DNASE1L1: variants seen among roughly 807,000 people sequenced by gnomAD.
DNASE1L1 encodes the protein deoxyribonuclease 1 like 1, also known as deoxyribonuclease-1-like 1.
DNASE1L1 carries 8 observed loss-of-function variants against 18.6 expected under a neutral mutation model. The ratio of observed to expected loss-of-function variants is 0.43; its 90% CI spans 0.25 to 0.78. DNASE1L1 has a LOEUF of 0.78. Ranked by LOEUF, DNASE1L1 falls within the 30% of genes least tolerant of loss-of-function variation. The pLI is 0.23. For synonymous variants in DNASE1L1, 114 were observed against 114.2 expected, an observed-to-expected ratio of 1.00 and a Z score of 0.01; for missense variants, 214 against 258.2, an observed-to-expected ratio of 0.83 and a Z score of 1.17.
chrX:154,410,976 A>G (rs782075431), upstream of DNASE1L1, among the ~76,000 whole-genome samples: 4 of 112,534 alleles, frequency 3.6e-5, 1 homozygote, highest in South Asian at 1.4e-3. Context: ...TTTCAGAACT[A>G]GAGGTAGTAG....
chrX:154,402,269 C>A lies in DNASE1L1; in HGVS notation c.*438G>T. The A allele has an allele frequency of 7.3e-6, 1 of 136,319 alleles. No individual in the cohort carries two copies. The highest frequency in any genetic ancestry group is 1.5e-5 in the Non-Finnish European group (1 of 67,592). 11.2% of individuals were successfully genotyped at this position (136,319 alleles called of 1,213,427 possible). On this transcript the variant is annotated 3_prime_UTR_variant, in exon 8 of 8. Transcript: ENST00000369807. ...AGCAGATTAACCACCCTCCTTGTAG[C>A]TATTGGGGCTTAATGGTTTCCTGGT...
At position 154,403,350 on chromosome X, in the gene DNASE1L1, G is replaced by A. The variant is rs1557187512; in HGVS notation, c.444C>T (p.His148=). 2 of 1,211,487 alleles carry A rather than the reference G, an allele frequency of 1.7e-6. No homozygotes were observed. Among genetic ancestry groups the A allele is most frequent in the Non-Finnish European group, 1.1e-6 (1 of 895,465 alleles). The change falls in exon 6 of 8, where the codon CAC becomes CAT. Residue 148 remains histidine, a synonymous_variant. Coordinates refer to ENST00000369807, the MANE Select transcript of DNASE1L1 (RefSeq NM_001303620.2). The part of the protein sequence containing the change: ...VLPSLVLVPL[H]TTPKAVEKEL... ...CCTTCTCTACGGCCTTAGGAGTGGT[G>A]TGCAGCGGGACCAACACCAGGCTGG... is the stretch of plus-strand genomic sequence containing the variant.
At chrX:154,405,171 C>T in intron 2 of DNASE1L1, 88 bp from the exon 3 acceptor site, 1 of 984,029 alleles carries the variant, frequency 1.0e-6, no homozygotes. Context: ...CTGTTGTGGC[C>T]CAGAGTGTTA....
chrX:154,405,382 GC>G lies in DNASE1L1; in HGVS notation c.135+51del, dbSNP rs782568398. 331 of 1,150,020 alleles carry G rather than the reference GC, an allele frequency of 2.9e-4. No individual in the cohort carries two copies. The African/African-American group carries it at 5.5e-3, about 19-fold the overall frequency. 94.8% of individuals were successfully genotyped at this position (1,150,020 alleles called of 1,213,427 possible). Reference sequence around the variant, plus strand: ...TACCCCTGGTCAGGCAGGGATGGGGGCTTTGGCTCATGGTGGTTAGGGGCAC... The same window carrying G: ...TACCCCTGGTCAGGCAGGGATGGGGGTTTGGCTCATGGTGGTTAGGGGCAC... On this transcript the variant is annotated intron_variant, in intron 2 of 7. Transcript: ENST00000369807.
At chrX:154,403,853 T>C (rs1241204967) in intron 4 of DNASE1L1, among the ~76,000 whole-genome samples, 3 of 112,342 alleles carry the variant, frequency 2.7e-5, no homozygotes, top group Non-Finnish European at 3.8e-5. Flanking sequence ...TGTGCAACTA[T>C]TTCTACAATC....
In DNASE1L1 at chrX:154,405,572, T is replaced by C; in HGVS notation, c.-4A>G. On this transcript the variant is annotated 5_prime_UTR_variant, in exon 2 of 8. Transcript: ENST00000369807. ...GGAGTGCAGTTGGGTAGTGCATGGC[T>C]GTGTGTGGCTGCCGGGGACACCCCA... 5.3e-6 allele frequency: 6 copies of C among 1,137,501 alleles called. No individual in the cohort carries two copies. Among genetic ancestry groups the C allele is most frequent in the Non-Finnish European group, 5.9e-6 (5 of 852,133 alleles). The allele number at this position is 1,137,501 out of a possible 1,213,427, so 93.7% of individuals were successfully genotyped here.
Position 154,402,691 on chromosome X carries a change from G to C in DNASE1L1, c.*16C>G, listed in dbSNP as rs1245477887. The C allele has an allele frequency of 8.3e-7, 1 of 1,199,924 alleles. No homozygotes were observed. ...AGTCCCAAAAGGCAGCAGGCCCTGG[G>C]GGGGTAGGGGGACGCTCAGGCAGCA... On this transcript the variant is annotated 3_prime_UTR_variant, in exon 8 of 8. Transcript: ENST00000369807.
chrX:154,407,775 T>TAAAA (rs2068190215), intron 1 of DNASE1L1, among the ~76,000 whole-genome samples: 2 of 89,077 alleles, frequency 2.2e-5, no homozygotes, highest in African/African-American at 4.1e-5. Flanking sequence ...CCCTTTTTTT[T>TAAAA]TTTTTTTTTT....
chrX:154,409,225 C>A lies in DNASE1L1; in HGVS notation c.-201G>T. 1 of 306,439 alleles carries A rather than the reference C, an allele frequency of 3.3e-6. No homozygotes were observed. The highest frequency in any genetic ancestry group is 6.6e-6 in the Non-Finnish European group (1 of 151,227). The allele number at this position is 306,439 out of a possible 1,213,427, so 25.3% of individuals were successfully genotyped here. On this transcript the variant is annotated 5_prime_UTR_variant, in exon 1 of 8. Transcript: ENST00000369807. ...GGAGGGGAAAAAAAAGAGGAAGAGG[C>A]TGTGTTCCTGAGCCACCCGGCCAGG...
In DNASE1L1 at chrX:154,405,018, C is replaced by T. The variant is rs1130929; in HGVS notation, c.201G>A (p.Pro67=). ...EVVDSSGSAI[P]LLLRELNRFD... ...ACCGATTGAGTTCTCGAAGCAGGAG[C>T]GGGATGGCGCTGCCGGAAGAGTCCA... is the stretch of plus-strand genomic sequence containing the variant. Residue 67 remains proline, a synonymous_variant, in exon 3 of 8, where the codon CCG becomes CCA. Coordinates refer to ENST00000369807, the MANE Select transcript of DNASE1L1 (RefSeq NM_001303620.2). The T allele has an allele frequency of 2.5e-6, 3 of 1,209,922 alleles. No individual in the cohort carries two copies. The highest frequency in any genetic ancestry group is 3.0e-5 in the East Asian group (1 of 33,775).
At position 154,403,033 on chromosome X, in the gene DNASE1L1, C is replaced by G; in HGVS notation, c.683G>C (p.Arg228Pro). ...GCAGCGCTCCCCGTGCAGCACGACGCGGTCATAGGTGCAGTGGGTGCTGGC... is the reference window on the plus strand; with the variant it reads ...GCAGCGCTCCCCGTGCAGCACGACGGGGTCATAGGTGCAGTGGGTGCTGGC... ...VRASTHCTYDRVVLHGERCRS... is the reference protein window; with the variant it reads ...VRASTHCTYDPVVLHGERCRS... Residue 228 changes from arginine to proline, a missense_variant, in exon 7 of 8, where the codon CGC becomes CCC. By Grantham distance (103) the Arg-to-Pro change is moderately radical. Coordinates refer to ENST00000369807, the MANE Select transcript of DNASE1L1 (RefSeq NM_001303620.2). 1 of 1,211,790 alleles carries G rather than the reference C, an allele frequency of 8.3e-7. No individual in the cohort carries two copies. The highest frequency in any genetic ancestry group is 3.0e-5 in the East Asian group (1 of 33,855).
At chrX:154,412,077 C>G, upstream of DNASE1L1, 1 of 1,208,756 alleles carries the variant, frequency 8.3e-7, no homozygotes, top group Non-Finnish European at 1.1e-6. Context: ...ACTTCTCCTT[C>G]CCCGCCAGAG....
In DNASE1L1 at chrX:154,403,470, G is replaced by A. The variant is rs782236315; in HGVS notation, c.412+52C>T. Reference sequence around the variant, plus strand: ...GGTGAGGAAGCCCCCAGTGGAGCCAGCCAGAACTCCCCTTCTGCTCCCACA... The same window carrying A: ...GGTGAGGAAGCCCCCAGTGGAGCCAACCAGAACTCCCCTTCTGCTCCCACA... On this transcript the variant is annotated intron_variant, in intron 5 of 7. Transcript: ENST00000369807. 701 of 1,193,391 alleles carry A rather than the reference G, an allele frequency of 5.9e-4. 3 individuals are homozygous for A. The South Asian group carries it at 0.012, about 20-fold the overall frequency.
chrX:154,412,060 G>C (rs1557191013), upstream of DNASE1L1: 1 of 1,209,591 alleles, frequency 8.3e-7, no homozygotes, highest in South Asian at 1.8e-5. Flanking sequence ...CGAGCCCGGA[G>C]CGCCTGACTT....
At chrX:154,408,633 T>C (rs782476293) in intron 1 of DNASE1L1, 1 of 113,157 alleles carries the variant, frequency 8.8e-6, no homozygotes, top group Non-Finnish European at 1.9e-5. Flanking sequence ...TGAGTTCCTC[T>C]GCTCTGTCTG....
At chrX:154,410,592 G>A (rs1328918213), upstream of DNASE1L1, among the ~76,000 whole-genome samples, 2 of 110,485 alleles carry the variant, frequency 1.8e-5, no homozygotes, top group African/African-American at 3.3e-5. Flanking sequence ...AAAAACTGCC[G>A]GGTGCGGTGG....
At chrX:154,406,999 G>A (rs1354133587) in intron 1 of DNASE1L1, among the ~76,000 whole-genome samples, 1 of 110,996 alleles carries the variant, frequency 9.0e-6, no homozygotes. Context: ...TCTCCATGGT[G>A]ACTGCACCAT....
upstream of DNASE1L1, chrX:154,411,871 C>T (rs782316788): frequency 2.5e-6 from 3 of 1,203,401 alleles, no homozygotes; most frequent in Admixed American, 2.2e-5. Flanking sequence ...GTGGCCGTTC[C>T]CCGCGGTGCC....
At position 154,403,094 on chromosome X, in the gene DNASE1L1, A is replaced by T; in HGVS notation, c.622T>A (p.Trp208Arg). 7 of 1,211,555 alleles carry T rather than the reference A, an allele frequency of 5.8e-6. No homozygotes were observed. Among genetic ancestry groups the T allele is most frequent in the Non-Finnish European group, 7.8e-6 (7 of 895,503 alleles). The change falls in exon 7 of 8, where the codon TGG becomes AGG. Residue 208 changes from tryptophan (W) to arginine (R), a missense_variant. By Grantham distance (101) the Trp-to-Arg change is moderately radical. Coordinates refer to ENST00000369807, the MANE Select transcript of DNASE1L1 (RefSeq NM_001303620.2). ...GTGTCCTCCCCATCGGCAATCACCC[A>T]GTGGAAGCCTGGCTCAGTCCGCAGC... is the stretch of plus-strand genomic sequence containing the variant. ...LELRTEPGFHWVIADGEDTTV... is the reference protein window; with the variant it reads ...LELRTEPGFHRVIADGEDTTV...
Sources: allele counts gnomAD v4.1 joint callset (sites outside exome capture counted in the v4.1 genomes callset), GRCh38; gene constraint gnomAD v4.1.1; transcripts MANE v1.5; gene names NCBI Gene and HGNC (gene_info 2026-07-23, HGNC 2026-07-21).